The following ZNF449 variants were observed in gnomAD, a reference collection of about 807,000 sequenced individuals.
ZNF449 encodes zinc finger and SCAN domain-containing protein 19.
Under a neutral mutation model 32.6 loss-of-function variants are expected in ZNF449, and 4 were observed. The ratio of observed to expected loss-of-function variants is 0.12; its 90% confidence interval spans 0.06 to 0.28. ZNF449 has a LOEUF of 0.28. Ranked by LOEUF, ZNF449 falls within the 10% of genes least tolerant of loss-of-function variation. The pLI is 1.00. For missense variants in ZNF449, 275 were observed against 383.2 expected, an observed-to-expected ratio of 0.72 and a Z score of 2.36; for synonymous variants, 123 against 132.2, an observed-to-expected ratio of 0.93 and a Z score of 0.48.
In ZNF449 at chrX:135,360,381, G is replaced by A. The variant is rs782730298; in HGVS notation, c.862G>A (p.Val288Ile). The A allele has an allele frequency of 1.7e-6, 2 of 1,209,197 alleles. No homozygotes were observed. Among genetic ancestry groups the A allele is most frequent in the African/African-American group, 3.5e-5 (2 of 57,093 alleles). ...EDLQTDLAKLVDQQNPTLGET... is the reference protein window; with the variant it reads ...EDLQTDLAKLIDQQNPTLGET... ...TTTACAGACAGATTTAGCAAAACTG[G>A]TAGATCAGCAGAACCCCACTCTGGG... is the stretch of plus-strand genomic sequence containing the variant. The change falls in exon 5 of 5, where the codon GTA becomes ATA. Residue 288 changes from valine (V) to isoleucine (I), a missense_variant. This residue lies in a region of ZNF449 where 165 missense variants were observed against 175.0 expected (regional missense o/e 0.94). Coordinates refer to ENST00000339249, the MANE Select transcript of ZNF449 (RefSeq NM_152695.6).
Position 135,361,991 on chromosome X carries a change from C to A in ZNF449, c.*915C>A, listed in dbSNP as rs1556454340. 1 of 111,406 alleles carries A rather than the reference C, an allele frequency of 9.0e-6. No homozygotes were observed. Among genetic ancestry groups the A allele is most frequent in the Non-Finnish European group, 1.9e-5 (1 of 52,944 alleles). 9.2% of individuals were successfully genotyped at this position (111,406 alleles called of 1,213,427 possible). Reference sequence around the variant, plus strand: ...CTCTTTTGGCTCAATGTTTTCCAAACTTATTTGACCCCAAAACCTTTTTCA... The same window carrying A: ...CTCTTTTGGCTCAATGTTTTCCAAAATTATTTGACCCCAAAACCTTTTTCA... On this transcript the variant is annotated 3_prime_UTR_variant, in exon 5 of 5. Coordinates refer to ENST00000339249, the MANE Select transcript of ZNF449 (RefSeq NM_152695.6).
chrX:135,348,154 T>C (rs782074147), intron 2 of ZNF449: 20 of 126,435 alleles, frequency 1.6e-4, no homozygotes, highest in Non-Finnish European at 3.6e-4. Context: ...CCTCGTCATG[T>C]GATTTTCCAA....
chrX:135,353,148 G>A (rs1310243530), intron 3 of ZNF449, among the ~76,000 whole-genome samples: 1 of 111,114 alleles, frequency 9.0e-6, no homozygotes, highest in Non-Finnish European at 1.9e-5. Flanking sequence ...GGTTACCTAA[G>A]TATCTTTATG....
chrX:135,347,940 C>T (rs782299799), intron 2 of ZNF449: 25 of 217,101 alleles, frequency 1.2e-4, no homozygotes, highest in Admixed American at 5.3e-4. Context: ...TAAAGTTTGC[C>T]AACCCTGAAT....
rs1160589330 is a variant in ZNF449, at chrX:135,361,097, TC to T, written c.*22del. The stretch of plus-strand genomic sequence containing the variant: ...TTTAAGAATTGCTAAGGGAAACAGG[TC>T]TTACACAAATTGACACTAACTCAAA... On this transcript the variant is annotated 3_prime_UTR_variant, in exon 5 of 5. Coordinates refer to ENST00000339249, the MANE Select transcript of ZNF449 (RefSeq NM_152695.6). 4.5e-6 allele frequency: 5 copies of T among 1,119,988 alleles called. No individual in the cohort carries two copies. The highest frequency in any genetic ancestry group is 5.9e-6 in the Non-Finnish European group (5 of 851,671). The allele number at this position is 1,119,988 out of a possible 1,213,427, so 92.3% of individuals were successfully genotyped here.
Position 135,360,267 on chromosome X carries a change from G to A in ZNF449, c.748G>A (p.Val250Ile), listed in dbSNP as rs1437450360. 9 of 1,205,433 alleles carry A rather than the reference G, an allele frequency of 7.5e-6. No individual in the cohort carries two copies. Among genetic ancestry groups the A allele is most frequent in the Non-Finnish European group, 7.8e-6 (7 of 893,775 alleles). Residue 250 changes from valine (V) to isoleucine (I), a missense_variant, in exon 5 of 5, where the codon GTA (valine) becomes ATA (isoleucine). Val to Ile is a conservative substitution (Grantham distance 29). This residue lies in a region of ZNF449 where 165 missense variants were observed against 175.0 expected (regional missense o/e 0.94). Transcript: ENST00000339249. ...AATGGAGACTATGTATCCATTTATT[G>A]TAACTTTAGAGGGGAATGCTCTCCA... ...KKMETMYPFI[V>I]TLEGNALQGP...
intron 2 of ZNF449, chrX:135,347,828 T>G (rs782298363): frequency 3.8e-4 from 156 of 413,871 alleles, no homozygotes; most frequent in Non-Finnish European, 5.4e-4. Flanking sequence ...TATGTAATGG[T>G]TTTTTTATCT....
intron 4 of ZNF449, 38 bp downstream of exon 4, chrX:135,360,043 A>G (rs1569498099): frequency 8.9e-7 from 1 of 1,119,166 alleles, no homozygotes; most frequent in East Asian, 3.0e-5. Flanking sequence ...TGGGAAAAAA[A>G]AAGAAAAATT....
At position 135,361,198 on chromosome X, in the gene ZNF449, T is replaced by G; in HGVS notation, c.*122T>G. 1.7e-6 allele frequency: 1 copy of G among 580,075 alleles called. No homozygotes were observed. The highest frequency in any genetic ancestry group is 2.6e-6 in the Non-Finnish European group (1 of 388,180). The allele number at this position is 580,075 out of a possible 1,213,427, so 47.8% of individuals were successfully genotyped here. Reference sequence around the variant, plus strand: ...GCTTATAAGAACATAGACAGCTTTTTTTTTTACTAGTTTTAAAACCCATCT... The same window carrying G: ...GCTTATAAGAACATAGACAGCTTTTGTTTTTACTAGTTTTAAAACCCATCT... On this transcript the variant is annotated 3_prime_UTR_variant, in exon 5 of 5. Coordinates refer to ENST00000339249, the MANE Select transcript of ZNF449 (RefSeq NM_152695.6).
At chrX:135,351,212 C>T (rs1298157545) in intron 3 of ZNF449, among the ~76,000 whole-genome samples, 1 of 111,745 alleles carries the variant, frequency 8.9e-6, no homozygotes, top group African/African-American at 3.3e-5. Flanking sequence ...AAAGCAGGGA[C>T]CCCATTTGGG....
rs1274888067 is a variant in ZNF449, at chrX:135,361,860, A to C, written c.*784A>C. On this transcript the variant is annotated 3_prime_UTR_variant, in exon 5 of 5. Coordinates refer to ENST00000339249, the MANE Select transcript of ZNF449 (RefSeq NM_152695.6). ...ACTTAGTTCTGCTAGATATTCTGCA[A>C]ATATATTTGGGAATTACTTCCTGCT... is the stretch of plus-strand genomic sequence containing the variant. 9.0e-6 allele frequency: 1 copy of C among 111,383 alleles called. No individual in the cohort carries two copies. Among genetic ancestry groups the C allele is most frequent in the Non-Finnish European group, 1.9e-5 (1 of 52,939 alleles). The allele number at this position is 111,383 out of a possible 1,213,427, so 9.2% of individuals were successfully genotyped here.
intron 3 of ZNF449, among the ~76,000 whole-genome samples, chrX:135,356,720 T>C (rs2084919936): frequency 8.9e-6 from 1 of 111,891 alleles, no homozygotes; most frequent in Non-Finnish European, 1.9e-5. Flanking sequence ...TCATATGTTA[T>C]ATTTGTTATA....
intron 4 of ZNF449, 22 bp downstream of exon 4, chrX:135,360,027 T>C (rs370151328): frequency 5.0e-5 from 55 of 1,104,758 alleles, no homozygotes; most frequent in African/African-American, 3.4e-4. Context: ...TTCTTTGATA[T>C]ACTAGTGGGA....
chrX:135,345,178 C>G (rs1238537176), intron 1 of ZNF449, among the ~76,000 whole-genome samples: 1 of 112,932 alleles, frequency 8.9e-6, no homozygotes, highest in Non-Finnish European at 1.9e-5. Context: ...TCACTCTTGC[C>G]GTTCCTCAAG....
chrX:135,347,103 C>T lies in ZNF449; in HGVS notation c.-16C>T, dbSNP rs1556448564. 3.7e-5 allele frequency: 44 copies of T among 1,179,441 alleles called. No homozygotes were observed. Among genetic ancestry groups the T allele is most frequent in the Non-Finnish European group, 4.9e-5 (43 of 876,974 alleles). On this transcript the variant is annotated 5_prime_UTR_variant, in exon 2 of 5. Coordinates refer to ENST00000339249, the MANE Select transcript of ZNF449 (RefSeq NM_152695.6). ...AGTGAGGCTCCAGATAAACTGTAAA[C>T]TGCTGGAAGGGGGCGATGGCTGTGG...
At position 135,347,358 on chromosome X, in the gene ZNF449, T is replaced by C; in HGVS notation, c.240T>C (p.Thr80=). ...TGCTAGTGTTGGAGCAATTCCTAACTATCCTGCCCACAGAGATAGAGACCT... is the reference window on the plus strand; with the variant it reads ...TGCTAGTGTTGGAGCAATTCCTAACCATCCTGCCCACAGAGATAGAGACCT... ...LELLVLEQFL[T]ILPTEIETWV... The change falls in exon 2 of 5, where the codon ACT becomes ACC. Residue 80 remains threonine (T), a synonymous_variant. Coordinates refer to ENST00000339249, the MANE Select transcript of ZNF449 (RefSeq NM_152695.6). The C allele has an allele frequency of 8.2e-7, 1 of 1,212,203 alleles. No individual in the cohort carries two copies.
At chrX:135,354,158 G>A (rs2084903520) in intron 3 of ZNF449, among the ~76,000 whole-genome samples, 1 of 112,235 alleles carries the variant, frequency 8.9e-6, no homozygotes, top group Non-Finnish European at 1.9e-5. Context: ...TTGTCAAATT[G>A]ACTTCTGAAA....
Position 135,347,181 on chromosome X carries a change from A to G in ZNF449, c.63A>G (p.Glu21=). The G allele has an allele frequency of 8.2e-7, 1 of 1,212,241 alleles. No homozygotes were observed. The highest frequency in any genetic ancestry group is 2.2e-5 in the Admixed American group (1 of 46,130). The change falls in exon 2 of 5, where the codon GAA becomes GAG. Residue 21 remains glutamate (E), a synonymous_variant. Transcript: ENST00000339249. Reference sequence around the variant, plus strand: ...TGAATCAAGGCTCTGTGTTTCAAGAATATGATACTGACTGTGAAGTTTTCC... The same window carrying G: ...TGAATCAAGGCTCTGTGTTTCAAGAGTATGATACTGACTGTGAAGTTTTCC... The part of the protein sequence containing the change: ...ASLNQGSVFQ[E]YDTDCEVFRQ...
chrX:135,360,274 T>C lies in ZNF449; in HGVS notation c.755T>C (p.Leu252Ser). 2 of 1,209,677 alleles carry C rather than the reference T, an allele frequency of 1.7e-6. No homozygotes were observed. Among genetic ancestry groups the C allele is most frequent in the South Asian group, 1.8e-5 (1 of 56,493 alleles). ...METMYPFIVTLEGNALQGPIL... is the reference protein window; with the variant it reads ...METMYPFIVTSEGNALQGPIL... ...ACTATGTATCCATTTATTGTAACTT[T>C]AGAGGGGAATGCTCTCCAGGGTCCC... Residue 252 changes from leucine to serine, a missense_variant, in exon 5 of 5, where the codon TTA (leucine) becomes TCA (serine). Around this residue, in one of 3 missense-constraint regions of ZNF449, gnomAD observed 165 missense variants for 175.0 expected, o/e 0.94. Coordinates refer to ENST00000339249, the MANE Select transcript of ZNF449 (RefSeq NM_152695.6).
Sources: gnomAD v4.1 joint callset for allele counts (sites outside exome capture counted in the v4.1 genomes callset) on GRCh38, gnomAD v4.1.1 for gene constraint, gnomAD v4.1.1 regional missense constraint, MANE v1.5 for transcripts, NCBI Gene and HGNC (gene_info 2026-07-23, HGNC 2026-07-21) for gene names.